The following CLIP3 variants were observed in gnomAD, a reference collection of about 807,000 sequenced individuals.
CLIP3 encodes CAP-Gly domain-containing linker protein 3.
A neutral mutation model predicts 59.4 loss-of-function variants in CLIP3; 15 were observed. That is an observed-to-expected ratio of 0.25 (90% CI 0.17 to 0.39). The LOEUF is 0.39. CLIP3 is among the 10% of genes least tolerant of loss of function. The pLI is 1.00. For missense variants in CLIP3, 495 were observed against 765.7 expected (o/e 0.65, Z 4.17); for synonymous variants, 300 against 321.6 (o/e 0.93, Z 0.72).
intron 2 of CLIP3, among the ~76,000 whole-genome samples, chr19:36,028,167 G>T (rs1969163572): frequency 6.6e-6 from 1 of 151,920 alleles, no homozygotes; most frequent in African/African-American, 2.4e-5. Flanking sequence ...GTGAAACCCT[G>T]ACTCTACCAA....
chr19:36,017,431 A>C lies in CLIP3; in HGVS notation c.1471T>G (p.Ser491Ala). Residue 491 changes from serine to alanine, a missense_variant, in exon 12 of 14, where the codon TCC (serine) becomes GCC (alanine). Ser to Ala is a moderately conservative substitution (Grantham distance 99). This residue lies in a region of CLIP3 where 179 missense variants were observed against 226.2 expected (regional missense o/e 0.79). Transcript: ENST00000360535. ...RIQRIGGSTD[S>A]PGDSVGAKKV... ...TTGGCTCCAACGCTGTCCCCGGGGG[A>C]ATCAGTGGATCCGCCAATCCTGAGG... 1 of 1,613,916 alleles carries C rather than the reference A, an allele frequency of 6.2e-7. No homozygotes were observed. Among genetic ancestry groups the C allele is most frequent in the Non-Finnish European group, 8.5e-7 (1 of 1,180,004 alleles).
chr19:36,031,023 C>CTTTTTTTTTTTTTTTTTTTTTCT (rs55762943), intron 2 of CLIP3, among the ~76,000 whole-genome samples: 1 of 80,176 alleles, frequency 1.2e-5, no homozygotes, highest in African/African-American at 4.5e-5. Flanking sequence ...TTTTTTTTTT[C>CTTTTTTTTTTTTTTTTTTTTTCT]TTTTTTTTTT....
intron 2 of CLIP3, among the ~76,000 whole-genome samples, chr19:36,029,225 C>A (rs1358109553): frequency 6.9e-6 from 1 of 145,832 alleles, no homozygotes; most frequent in East Asian, 2.0e-4. Context: ...GAGGCTGAGG[C>A]AGGAGAATCG....
chr19:36,029,219 C>G (rs934173098), intron 2 of CLIP3, among the ~76,000 whole-genome samples: 1 of 147,906 alleles, frequency 6.8e-6, no homozygotes, highest in African/African-American at 2.5e-5. Flanking sequence ...ACTCAGGAGG[C>G]TGAGGCAGGA....
At chr19:36,024,716 TCTGGGTGATGC>T in intron 6 of CLIP3, 84 bp from the exon 7 acceptor site, 3 of 1,315,590 alleles carry the variant, frequency 2.3e-6, no homozygotes, top group Non-Finnish European at 3.2e-6. Flanking sequence ...AGACCACCAG[TCTGGGTGATGC>T]AGGGGTAAGA....
chr19:36,017,449 T>C lies in CLIP3; in HGVS notation c.1453A>G (p.Ile485Val), dbSNP rs1599692635. Reference protein sequence around the residue: ...VFAPASRIQRIGGSTDSPGDS... With the variant: ...VFAPASRIQRVGGSTDSPGDS... ...CCGGGGGAATCAGTGGATCCGCCAA[T>C]CCTGAGGAGACACGGGGAGGGGGAG... Residue 485 changes from isoleucine (I) to valine (V), a missense_variant and splice_region_variant, in exon 12 of 14, where the codon ATT (isoleucine) becomes GTT (valine). Ile to Val is a conservative substitution (Grantham distance 29). Around this residue, in one of 5 missense-constraint regions of CLIP3, gnomAD observed 179 missense variants for 226.2 expected, o/e 0.79. Coordinates refer to ENST00000360535, the MANE Select transcript of CLIP3 (RefSeq NM_015526.3). 1.2e-6 allele frequency: 2 copies of C among 1,613,832 alleles called. No homozygotes were observed. Among genetic ancestry groups the C allele is most frequent in the African/African-American group, 2.7e-5 (2 of 74,860 alleles).
At chr19:36,030,801 G>A (rs1193293259) in intron 2 of CLIP3, among the ~76,000 whole-genome samples, 1 of 152,010 alleles carries the variant, frequency 6.6e-6, no homozygotes, top group African/African-American at 2.4e-5. Flanking sequence ...GTTCAATTCT[G>A]CCTCAGGGCC....
chr19:36,019,898 T>G (rs1599695594), intron 7 of CLIP3, among the ~76,000 whole-genome samples: 1 of 151,888 alleles, frequency 6.6e-6, no homozygotes, highest in East Asian at 2.0e-4. Context: ...CCACCATGCC[T>G]GGCCAACAAT....
At chr19:36,030,870 C>G (rs1425926823) in intron 2 of CLIP3, among the ~76,000 whole-genome samples, 1 of 152,288 alleles carries the variant, frequency 6.6e-6, no homozygotes, top group African/African-American at 2.4e-5. Context: ...ATGGCTGATT[C>G]CTCCCCATGC....
intron 2 of CLIP3, among the ~76,000 whole-genome samples, chr19:36,028,722 C>T (rs959949462): frequency 1.3e-5 from 2 of 152,192 alleles, no homozygotes; most frequent in African/African-American, 4.8e-5. Context: ...CCACGGCCCT[C>T]AGGGCTCTGC....
At chr19:36,031,347 C>A (rs551606996) in intron 2 of CLIP3, among the ~76,000 whole-genome samples, 7 of 152,100 alleles carry the variant, frequency 4.6e-5, no homozygotes, top group Non-Finnish European at 1.0e-4. Context: ...GCACTTGCTC[C>A]AATCTGAATT....
At chr19:36,017,590 G>A in intron 11 of CLIP3, 65 bp downstream of exon 11, 10 of 1,608,210 alleles carry the variant, frequency 6.2e-6, no homozygotes, top group Non-Finnish European at 8.5e-6. Context: ...GGAGGAGGAG[G>A]CCATCTGAGG....
Position 36,027,062 on chromosome 19 carries a change from A to G in CLIP3, c.307-17T>C, listed in dbSNP as rs990824553. 1 of 1,600,942 alleles carries G rather than the reference A, an allele frequency of 6.2e-7. No individual in the cohort carries two copies. Among genetic ancestry groups the G allele is most frequent in the Non-Finnish European group, 8.5e-7 (1 of 1,175,396 alleles). On this transcript the variant is annotated splice_polypyrimidine_tract_variant and intron_variant, in intron 3 of 13. Coordinates refer to ENST00000360535, the MANE Select transcript of CLIP3 (RefSeq NM_015526.3). The stretch of plus-strand genomic sequence containing the variant: ...GCGCAGAATCTGTGAGTACCAGGGG[A>G]GCAGGGAGGGTCACCCACACATGTG...
Position 36,026,550 on chromosome 19 carries a change from TCCTTG to T in CLIP3, c.562+31_562+35del. 6 of 1,610,556 alleles carry T rather than the reference TCCTTG, an allele frequency of 3.7e-6. No homozygotes were observed. The highest frequency in any genetic ancestry group is 5.1e-6 in the Non-Finnish European group (6 of 1,178,336). ...TGGGTCTCCGCGTCCCTCACCCAGG[TCCTTG>T]CCCCCTCCCAGCCAGGGCTCTCCTC... On this transcript the variant is annotated intron_variant, in intron 5 of 13. Coordinates refer to ENST00000360535, the MANE Select transcript of CLIP3 (RefSeq NM_015526.3). The surrounding 1 kb of genome is among the most constrained non-coding windows in gnomAD (Gnocchi z 6.3).
intron 7 of CLIP3, 74 bp downstream of exon 7, chr19:36,024,322 G>A (rs1969034491): frequency 7.6e-7 from 1 of 1,318,482 alleles, no homozygotes; most frequent in Non-Finnish European, 1.1e-6. Context: ...TCTGCCCGAG[G>A]ACGCAGCTCC....
Position 36,027,016 on chromosome 19 carries a change from A to G in CLIP3, c.336T>C (p.Asp112=). Residue 112 remains aspartate (D), a synonymous_variant, in exon 4 of 14, where the codon GAT becomes GAC. Transcript: ENST00000360535. Reference sequence around the variant, plus strand: ...GTGTCATGTCGGTCAGCCCGTCACGATCGTTCACATGGCAGCCTCGGCGCA... The same window carrying G: ...GTGTCATGTCGGTCAGCCCGTCACGGTCGTTCACATGGCAGCCTCGGCGCA... ...EILRRGCHVN[D]RDGLTDMTLL... 3 of 1,598,310 alleles carry G rather than the reference A, an allele frequency of 1.9e-6. No homozygotes were observed. Among genetic ancestry groups the G allele is most frequent in the Non-Finnish European group, 2.6e-6 (3 of 1,174,238 alleles).
intron 7 of CLIP3, among the ~76,000 whole-genome samples, chr19:36,024,161 G>A (rs953756543): frequency 6.6e-5 from 10 of 152,212 alleles, no homozygotes; most frequent in Non-Finnish European, 1.5e-4. Flanking sequence ...ACTCTCGGCC[G>A]TCACTGTCAG....
intron 12 of CLIP3, 94 bp from the exon 13 acceptor site, chr19:36,017,073 G>T: frequency 2.3e-6 from 3 of 1,294,894 alleles, no homozygotes; most frequent in Non-Finnish European, 3.3e-6. Flanking sequence ...ACCTCCCCAT[G>T]TCTCCAGTCC....
At chr19:36,030,030 G>A (rs1028084144) in intron 2 of CLIP3, among the ~76,000 whole-genome samples, 3 of 151,914 alleles carry the variant, frequency 2.0e-5, no homozygotes, top group African/African-American at 7.3e-5. Flanking sequence ...GCACCCCCCC[G>A]ACCTCAGGCC....
Sources: allele counts gnomAD v4.1 joint callset (sites outside exome capture counted in the v4.1 genomes callset), GRCh38; gene constraint gnomAD v4.1.1; regional missense constraint gnomAD v4.1.1; non-coding constraint Gnocchi (gnomAD v3.1); transcripts MANE v1.5; gene names NCBI Gene and HGNC (gene_info 2026-07-23, HGNC 2026-07-21).